PLCL1: variants seen among roughly 807,000 people sequenced by gnomAD.
PLCL1 encodes the protein phospholipase C like 1 (inactive).
Under a neutral mutation model 84.4 loss-of-function variants are expected in PLCL1, and 41 were observed. That is an observed-to-expected ratio of 0.49 (90% CI 0.38 to 0.63). PLCL1 has a LOEUF of 0.63. PLCL1 is among the 30% of genes least tolerant of loss of function. PLCL1 has a pLI of 0.00. For synonymous variants in PLCL1, 490 were observed against 488.3 expected (o/e 1.00, Z -0.05); for missense variants, 1,206 against 1,367.8 (o/e 0.88, Z 1.87).
At chr2:197,944,073 G>A (rs1396222705) in intron 1 of PLCL1, among the ~76,000 whole-genome samples, 2 of 152,174 alleles carry the variant, frequency 1.3e-5, no homozygotes, top group African/African-American at 4.8e-5. Flanking sequence ...GACTTCTTGA[G>A]AAAGGTTACT....
At chr2:197,846,821 G>T (rs775131739) in intron 1 of PLCL1, among the ~76,000 whole-genome samples, 10 of 152,132 alleles carry the variant, frequency 6.6e-5, no homozygotes, top group Non-Finnish European at 1.5e-4. Flanking sequence ...ATGTTGTCAA[G>T]GTGGAGACAT....
rs551441428 is a variant in PLCL1 at position 197,832,804 on chromosome 2, AC to A, written c.240+27466del. On this transcript the variant is annotated intron_variant, in intron 1 of 5. Transcript: ENST00000428675. ...CAGCACATCAAAAAGCTTATCCACC[AC>A]AATCAAGTCAGCTTCATCCTTGGGA... Among the ~76,000 whole-genome samples, 12 of 152,364 alleles carry A rather than the reference AC, an allele frequency of 7.9e-5. No individual in the cohort carries two copies. In the East Asian group the frequency reaches 2.3e-3, roughly 29 times the overall value.
At chr2:198,027,825 T>A (rs1264280067) in intron 1 of PLCL1, among the ~76,000 whole-genome samples, 3 of 152,010 alleles carry the variant, frequency 2.0e-5, no homozygotes, top group Non-Finnish European at 4.4e-5. Context: ...AATCTTTTTC[T>A]TTTCTTTTCT....
At chr2:197,884,382 C>T (rs577034260) in intron 1 of PLCL1, among the ~76,000 whole-genome samples, 4 of 152,138 alleles carry the variant, frequency 2.6e-5, no homozygotes, top group Admixed American at 6.6e-5. Context: ...TTTAGTTGTC[C>T]TAGAAGTCCT....
intron 1 of PLCL1, among the ~76,000 whole-genome samples, chr2:197,809,815 TG>T (rs1690547135): frequency 6.6e-6 from 1 of 150,904 alleles, no homozygotes; most frequent in Non-Finnish European, 1.5e-5. Flanking sequence ...TGAAAGTGTG[TG>T]TGTGTGTGTG....
At chr2:197,998,454 C>T (rs981537312) in intron 1 of PLCL1, among the ~76,000 whole-genome samples, 1 of 151,858 alleles carries the variant, frequency 6.6e-6, no homozygotes, top group African/African-American at 2.4e-5. Flanking sequence ...TCATAGATGT[C>T]CAAGTTGCTG....
At chr2:198,066,427 C>A (rs1397191017) in intron 1 of PLCL1, among the ~76,000 whole-genome samples, 2 of 152,100 alleles carry the variant, frequency 1.3e-5, no homozygotes, top group Non-Finnish European at 2.9e-5. Flanking sequence ...TCCCTCTCTC[C>A]CTCTCCCCAT....
chr2:198,084,025 A>G lies in PLCL1; in HGVS notation c.508A>G (p.Lys170Glu). 1 of 1,614,184 alleles carries G rather than the reference A, an allele frequency of 6.2e-7. No individual in the cohort carries two copies. Among genetic ancestry groups the G allele is most frequent in the Non-Finnish European group, 8.5e-7 (1 of 1,179,998 alleles). ...TGCCATAAAAGAGATCAGACTGGGG[A>G]AAAACACGGAAACATTTAGAAACAA... ...ISAIKEIRLG[K>E]NTETFRNNGL... Residue 170 changes from lysine to glutamate, a missense_variant, in exon 2 of 6, where the codon AAA becomes GAA. Physicochemically the swap from Lys to Glu is moderately conservative, Grantham distance 56 (BLOSUM62 1). Transcript: ENST00000428675.
chr2:198,052,589 C>A (rs1285773055), intron 1 of PLCL1, among the ~76,000 whole-genome samples: 1 of 151,398 alleles, frequency 6.6e-6, no homozygotes, highest in Non-Finnish European at 1.5e-5. Context: ...ATTTCAGCAC[C>A]AACCAATACA....
intron 1 of PLCL1, among the ~76,000 whole-genome samples, chr2:197,830,985 C>G (rs561255101): frequency 6.6e-6 from 1 of 152,122 alleles, no homozygotes; most frequent in South Asian, 2.1e-4. Flanking sequence ...TTTGTCACCA[C>G]CAGGCCTGCC....
At chr2:197,844,259 G>A (rs1008986064) in intron 1 of PLCL1, among the ~76,000 whole-genome samples, 1 of 152,064 alleles carries the variant, frequency 6.6e-6, no homozygotes. Context: ...CCCAGAAGGA[G>A]CACACCTTCT....
At chr2:198,141,598 C>G (rs1226765142) in intron 5 of PLCL1, among the ~76,000 whole-genome samples, 1 of 151,964 alleles carries the variant, frequency 6.6e-6, no homozygotes, top group Non-Finnish European at 1.5e-5. Context: ...GATTAAACTT[C>G]TTAAATGATA....
chr2:197,953,719 C>G (rs1373653326), intron 1 of PLCL1, among the ~76,000 whole-genome samples: 1 of 151,974 alleles, frequency 6.6e-6, no homozygotes, highest in Non-Finnish European at 1.5e-5. Flanking sequence ...TTAGAAGCAT[C>G]TGGATTGAAA....
At chr2:198,005,153 C>T (rs1450389387) in intron 1 of PLCL1, among the ~76,000 whole-genome samples, 1 of 152,208 alleles carries the variant, frequency 6.6e-6, no homozygotes, top group Non-Finnish European at 1.5e-5. Flanking sequence ...TTCCACCCTC[C>T]TTTATTTCTC....
chr2:197,974,174 G>A (rs575832168), intron 1 of PLCL1, among the ~76,000 whole-genome samples: 4 of 152,310 alleles, frequency 2.6e-5, no homozygotes, highest in South Asian at 4.1e-4. Flanking sequence ...GACCTGGGGA[G>A]GAACTGGTTT....
chr2:198,008,663 TG>T (rs1270414509), intron 1 of PLCL1, among the ~76,000 whole-genome samples: 1 of 152,006 alleles, frequency 6.6e-6, no homozygotes, highest in Non-Finnish European at 1.5e-5. Flanking sequence ...CCACAAGGAA[TG>T]GGTGTCCAAG....
At chr2:198,092,669 A>G (rs570246322) in intron 3 of PLCL1, among the ~76,000 whole-genome samples, 2 of 152,302 alleles carry the variant, frequency 1.3e-5, no homozygotes, top group South Asian at 2.1e-4. Flanking sequence ...TTTTCTCAGA[A>G]AAGCCTTCCC....
chr2:198,107,814 G>C (rs771185787), intron 5 of PLCL1, among the ~76,000 whole-genome samples: 3 of 151,822 alleles, frequency 2.0e-5, no homozygotes, highest in African/African-American at 7.3e-5. Flanking sequence ...CTAGCTGCTG[G>C]TATTTCAGCT....
intron 5 of PLCL1, among the ~76,000 whole-genome samples, chr2:198,110,847 C>T (rs1200683615): frequency 6.6e-6 from 1 of 151,720 alleles, no homozygotes; most frequent in Non-Finnish European, 1.5e-5. Context: ...GTGTCTCTGG[C>T]ATCTGCCAGC....
Sources: allele counts gnomAD v4.1 joint callset (sites outside exome capture counted in the v4.1 genomes callset), GRCh38; gene constraint gnomAD v4.1.1; transcripts MANE v1.5; gene names NCBI Gene and HGNC (gene_info 2026-07-23, HGNC 2026-07-21).